NRXN1: variants seen among roughly 807,000 people sequenced by gnomAD.
NRXN1 encodes the protein neurexin-1.
In NRXN1, 39 loss-of-function variants were observed where a neutral mutation model predicts 150.9. The observed-to-expected ratio is 0.26, with a 90% CI of 0.20 to 0.34. The LOEUF is 0.34. Among genes scored for constraint, NRXN1 ranks in the 10% least tolerant of loss-of-function variants. The probability of loss-of-function intolerance (pLI) is 1.00; values close to 1 mark genes in which losing one functional copy is unlikely to be tolerated. For missense variants in NRXN1, 1,815 were observed against 1,949.9 expected (o/e 0.93, Z 1.30); for synonymous variants, 924 against 757.0 (o/e 1.22, Z -3.62).
intron 17 of NRXN1, among the ~76,000 whole-genome samples, chr2:50,430,197 T>A (rs1256779177): frequency 6.6e-6 from 1 of 152,204 alleles, no homozygotes; most frequent in Non-Finnish European, 1.5e-5. Context: ...ACGGGGAGTT[T>A]AACCTAGGGT....
intron 18 of NRXN1, among the ~76,000 whole-genome samples, chr2:50,139,382 T>C (rs1706921889): frequency 6.6e-6 from 1 of 150,664 alleles, no homozygotes; most frequent in Admixed American, 6.6e-5. Context: ...CCTGAACTAA[T>C]GTTATTCCAT....
chr2:50,083,178 T>A (rs1209657855), intron 19 of NRXN1, among the ~76,000 whole-genome samples: 1 of 152,174 alleles, frequency 6.6e-6, no homozygotes, highest in African/African-American at 2.4e-5. Flanking sequence ...AACATTTCCA[T>A]AACTACATAG....
At chr2:50,719,820 T>C (rs780924448) in intron 5 of NRXN1, among the ~76,000 whole-genome samples, 1 of 152,174 alleles carries the variant, frequency 6.6e-6, no homozygotes, top group African/African-American at 2.4e-5. Context: ...CCTGAAAGGC[T>C]TCCTTAGGCC....
intron 2 of NRXN1, among the ~76,000 whole-genome samples, chr2:50,947,545 T>C (rs954021023): frequency 6.6e-6 from 1 of 151,864 alleles, no homozygotes; most frequent in Non-Finnish European, 1.5e-5. Context: ...GACAAGATAA[T>C]ATACCCATTC....
At chr2:50,821,933 T>A (rs1669797236) in intron 5 of NRXN1, among the ~76,000 whole-genome samples, 1 of 152,278 alleles carries the variant, frequency 6.6e-6, no homozygotes, top group African/African-American at 2.4e-5. Context: ...TTATTTATTT[T>A]TAATTTTCTG....
intron 2 of NRXN1, among the ~76,000 whole-genome samples, chr2:50,985,220 A>G (rs756943316): frequency 1.8e-4 from 27 of 151,958 alleles, no homozygotes; most frequent in Non-Finnish European, 2.9e-4. Context: ...AATATCACCA[A>G]CATCCATGAT....
At chr2:50,501,573 C>A (rs1473448852) in intron 13 of NRXN1, among the ~76,000 whole-genome samples, 3 of 151,932 alleles carry the variant, frequency 2.0e-5, no homozygotes, top group Non-Finnish European at 4.4e-5. Context: ...AATGATGATG[C>A]CTGGCTTTCA....
At chr2:50,881,522 A>G (rs1679428927) in intron 5 of NRXN1, among the ~76,000 whole-genome samples, 1 of 151,950 alleles carries the variant, frequency 6.6e-6, no homozygotes, top group Non-Finnish European at 1.5e-5. Flanking sequence ...TGCTGTTGAT[A>G]AAAATGGCAC....
chr2:50,609,548 G>A (rs1677687770), intron 8 of NRXN1, among the ~76,000 whole-genome samples: 1 of 152,048 alleles, frequency 6.6e-6, no homozygotes, highest in Admixed American at 6.6e-5. Context: ...ATCCTTTACA[G>A]GGGAAAGAAA....
intron 17 of NRXN1, among the ~76,000 whole-genome samples, chr2:50,441,310 C>T (rs1188457901): frequency 1.3e-5 from 2 of 152,026 alleles, no homozygotes; most frequent in African/African-American, 2.4e-5. Flanking sequence ...TTTTTTACTT[C>T]TCTGATTTCA....
At chr2:49,996,336 G>C (rs541987548) in intron 21 of NRXN1, among the ~76,000 whole-genome samples, 28 of 152,224 alleles carry the variant, frequency 1.8e-4, no homozygotes, top group African/African-American at 5.8e-4. Flanking sequence ...GATAAGCAAG[G>C]ACATTAAAAA....
intron 5 of NRXN1, among the ~76,000 whole-genome samples, chr2:50,674,126 A>T (rs1054758260): frequency 6.6e-6 from 1 of 152,144 alleles, no homozygotes; most frequent in African/African-American, 2.4e-5. Context: ...TCATTAAAAT[A>T]ATGTGTAATA....
intron 21 of NRXN1, among the ~76,000 whole-genome samples, chr2:49,983,161 A>G (rs7595904): frequency 0.48 from 72,751 of 151,938 alleles, 18,100 homozygotes; most frequent in Middle Eastern, 0.63. Context: ...ACTATTTGGG[A>G]CACTTATTCA....
chr2:50,867,286 T>C (rs1288123369), intron 5 of NRXN1, among the ~76,000 whole-genome samples: 1 of 151,830 alleles, frequency 6.6e-6, no homozygotes, highest in Non-Finnish European at 1.5e-5. Flanking sequence ...TTAAGACCTG[T>C]GGTTGGGAAT....
chr2:50,408,794 A>T (rs1222142959), intron 17 of NRXN1, among the ~76,000 whole-genome samples: 3 of 150,886 alleles, frequency 2.0e-5, no homozygotes, highest in Non-Finnish European at 4.4e-5. Context: ...TCTAACTGGG[A>T]GCAGAAATCA....
intron 5 of NRXN1, among the ~76,000 whole-genome samples, chr2:50,878,317 T>C (rs1678914151): frequency 2.0e-5 from 3 of 151,892 alleles, no homozygotes; most frequent in Admixed American, 2.0e-4. Context: ...ATTTTCCCTG[T>C]GAGTAGAAGG....
At chr2:50,824,047 A>G (rs943672068) in intron 5 of NRXN1, among the ~76,000 whole-genome samples, 24 of 152,166 alleles carry the variant, frequency 1.6e-4, no homozygotes, top group Non-Finnish European at 1.5e-4. Context: ...TCTGTCATAA[A>G]ATCTGATTAT....
intron 8 of NRXN1, chr2:50,588,995 C>T (rs919294216): frequency 1.4e-4 from 22 of 151,948 alleles, no homozygotes; most frequent in African/African-American, 5.1e-4. Flanking sequence ...TTCTTTTTTT[C>T]CAGAATAGTA....
intron 18 of NRXN1, among the ~76,000 whole-genome samples, chr2:50,218,501 T>C (rs2063558222): frequency 1.3e-5 from 2 of 151,732 alleles, no homozygotes; most frequent in South Asian, 4.2e-4. Context: ...TTTTTTTTTT[T>C]TTTTTTCTTT....
Sources: gnomAD v4.1 joint callset for allele counts (sites outside exome capture counted in the v4.1 genomes callset) on GRCh38, gnomAD v4.1.1 for gene constraint, MANE v1.5 for transcripts, NCBI Gene and HGNC (gene_info 2026-07-23, HGNC 2026-07-21) for gene names.